The following NELFCD variants were observed in gnomAD, a reference collection of about 807,000 sequenced individuals.
NELFCD encodes the protein negative elongation factor C/D.
A neutral mutation model predicts 72.9 loss-of-function variants in NELFCD; 48 were observed. The observed-to-expected ratio is 0.66, with a 90% CI of 0.52 to 0.84. The LOEUF (loss-of-function observed/expected upper bound fraction) is 0.84, where lower values mean the gene tolerates loss of function less well. Among genes scored for constraint, NELFCD ranks in the 40% least tolerant of loss-of-function variants. The pLI is 0.00. For synonymous variants in NELFCD, 297 were observed against 280.6 expected (o/e 1.06, Z -0.59); for missense variants, 538 against 723.8 (o/e 0.74, Z 2.94).
intron 7 of NELFCD, 176 bp downstream of exon 7, chr20:58,990,164 A>G (rs1337036704): frequency 1.2e-5 from 9 of 735,650 alleles, no homozygotes; most frequent in Non-Finnish European, 8.6e-6. Flanking sequence ...TGGGAGGCCG[A>G]GGCGGATGGA....
rs113288541 is a variant in NELFCD, at chr20:58,991,076, G to C, written c.954+1G>C. 2 of 1,612,274 alleles carry C rather than the reference G, an allele frequency of 1.2e-6. No homozygotes were observed. Among genetic ancestry groups the C allele is most frequent in the East Asian group, 2.2e-5 (1 of 44,844 alleles). On this transcript the variant is annotated splice_donor_variant, in intron 8 of 14. Transcript: ENST00000652272. LOFTEE classifies it high-confidence loss of function. ...CATGGACCCTCCTCCGGTTGAACTT[G>C]TAAGTTGCTTCTCAAGAATCCCCAA...
rs573955721 is a variant in NELFCD at position 58,986,330 on chromosome 20, G to C, written c.176+122G>C. On this transcript the variant is annotated intron_variant, in intron 2 of 14. Coordinates refer to ENST00000652272, the MANE Select transcript of NELFCD (RefSeq NM_198976.4). The surrounding 1 kb of genome is among the most constrained non-coding windows in gnomAD (Gnocchi z 4.4). ...CGCGAACTGAACTAAAGGCTTCAAG[G>C]GGGGGTCCCCTCTGCCACTTTTTTT... 13 of 665,132 alleles carry C rather than the reference G, an allele frequency of 2.0e-5. No homozygotes were observed. The highest frequency in any genetic ancestry group is 3.7e-5 in the African/African-American group (2 of 54,452). 41.2% of individuals were successfully genotyped at this position (665,132 alleles called of 1,614,324 possible).
At position 58,982,140 on chromosome 20, in the gene NELFCD, ATTTTTTTTTTTTT is replaced by A. The variant is rs751696443; in HGVS notation, c.60+792_60+804del. Among the ~76,000 whole-genome samples, 312 of 68,422 alleles carry A rather than the reference ATTTTTTTTTTTTT, an allele frequency of 4.6e-3. 1 individual carries two copies. Among genetic ancestry groups the A allele is most frequent in the African/African-American group, 0.014 (265 of 19,158 alleles). 44.9% of individuals were successfully genotyped at this position (68,422 alleles called of 152,430 possible). On this transcript the variant is annotated intron_variant, in intron 1 of 14. Transcript: ENST00000652272. ...TCTGGACGGGAGCCTGGGAACTTGC[ATTTTTTTTTTTTT>A]TTTTTTTTTTTTTTTTTTTTGTGGT...
intron 1 of NELFCD, 56 bp downstream of exon 1, chr20:58,981,425 G>C (rs1338479548): frequency 1.1e-6 from 1 of 874,368 alleles, no homozygotes; most frequent in African/African-American, 1.8e-5. Flanking sequence ...CGCCGCCGGC[G>C]GGCCGGCCCC....
chr20:58,984,653 T>G (rs1398614339), intron 1 of NELFCD, among the ~76,000 whole-genome samples: 1 of 152,126 alleles, frequency 6.6e-6, no homozygotes, highest in Non-Finnish European at 1.5e-5. Flanking sequence ...GATGTCAGTT[T>G]TGGACCTAAA....
At position 58,990,036 on chromosome 20, in the gene NELFCD, C is replaced by T. The variant is rs752904067; in HGVS notation, c.788+48C>T. On this transcript the variant is annotated intron_variant, in intron 7 of 14. Transcript: ENST00000652272. ...AGCCCTTCCTTCCTAGTGCTCCCCA[C>T]AAAACCCTTCCCATGGCCCGTGTTC... 18 of 1,595,340 alleles carry T rather than the reference C, an allele frequency of 1.1e-5. No homozygotes were observed. In the East Asian group the frequency reaches 3.6e-4, roughly 32 times the overall value.
At position 58,987,393 on chromosome 20, in the gene NELFCD, A is replaced by G; in HGVS notation, c.287-315A>G. On this transcript the variant is annotated intron_variant, in intron 3 of 14. Coordinates refer to ENST00000652272, the MANE Select transcript of NELFCD (RefSeq NM_198976.4). ...TTTGGCTGCCATCTGCTCCCTCCTC[A>G]CTGGGCAGGGATGTTTTTCCATCCC... is the stretch of plus-strand genomic sequence containing the variant. The G allele has an allele frequency of 8.6e-6, 3 of 350,360 alleles. No homozygotes were observed. In the South Asian group the frequency reaches 1.2e-4, roughly 14 times the overall value. The allele number at this position is 350,360 out of a possible 1,614,324, so 21.7% of individuals were successfully genotyped here. A position where few individuals can be genotyped will look rare whatever the true frequency, so the allele number is the denominator to read the frequency against.
In NELFCD at chr20:58,986,468, A is replaced by T; in HGVS notation, c.176+260A>T. ...GCAGTTCTCCCACCTCAGCCTTGCA[A>T]GGTGGCCACCACAGGCGTCTGCCAT... On this transcript the variant is annotated intron_variant, in intron 2 of 14. Transcript: ENST00000652272. This position sits in a 1 kb window ranked among gnomAD's most constrained non-coding sequence, Gnocchi z 4.4. The T allele has an allele frequency of 1.8e-6, 1 of 556,992 alleles. No homozygotes were observed. Among genetic ancestry groups the T allele is most frequent in the Non-Finnish European group, 3.1e-6 (1 of 318,744 alleles). The allele number at this position is 556,992 out of a possible 1,614,324, so 34.5% of individuals were successfully genotyped here.
intron 14 of NELFCD, 22 bp from the exon 15 acceptor site, chr20:58,994,620 G>A: frequency 6.4e-7 from 1 of 1,560,752 alleles, no homozygotes; most frequent in Non-Finnish European, 8.8e-7. Flanking sequence ...TTCTAACACA[G>A]TCACTGTTTT....
In NELFCD at chr20:58,986,201, C is replaced by G; in HGVS notation, c.169C>G (p.Leu57Val). Reference protein sequence around the residue: ...YIMEPSIFNTLKRYFQAGGSP... With the variant: ...YIMEPSIFNTVKRYFQAGGSP... The stretch of plus-strand genomic sequence containing the variant: ...CATGGAACCCTCCATCTTCAACACT[C>G]TGAAGAGGTATGTGAGAAAGGTGTC... The change falls in exon 2 of 15, where the codon CTG (leucine) becomes GTG (valine). Residue 57 changes from leucine to valine, a missense_variant. By Grantham distance (32) the Leu-to-Val change is conservative. Transcript: ENST00000652272. This position sits in a 1 kb window ranked among gnomAD's most constrained non-coding sequence, Gnocchi z 4.4. 2 of 1,595,726 alleles carry G rather than the reference C, an allele frequency of 1.3e-6. No individual in the cohort carries two copies. Among genetic ancestry groups the G allele is most frequent in the Non-Finnish European group, 1.7e-6 (2 of 1,163,220 alleles).
chr20:58,986,790 C>A lies in NELFCD; in HGVS notation c.213C>A (p.Ile71=). The change falls in exon 3 of 15, where the codon ATC becomes ATA. Residue 71 remains isoleucine, a synonymous_variant. Transcript: ENST00000652272. The surrounding 1 kb of genome is among the most constrained non-coding windows in gnomAD (Gnocchi z 4.4). ...FQAGGSPENV[I]QLLSENYTAV... ...CAGGAGGGTCTCCAGAGAATGTTAT[C>A]CAGCTCTTATCTGAAAACTACACCG... 6.2e-7 allele frequency: 1 copy of A among 1,614,012 alleles called. No homozygotes were observed.
In NELFCD at chr20:58,986,577, A is replaced by G. The variant is rs1293985661; in HGVS notation, c.177-177A>G. 1.2e-5 allele frequency: 8 copies of G among 642,696 alleles called. No homozygotes were observed. The highest frequency in any genetic ancestry group is 2.2e-5 in the Non-Finnish European group (8 of 363,046). 39.8% of individuals were successfully genotyped at this position (642,696 alleles called of 1,614,324 possible). ...TGGCTGCTCTTGAACTCCTAGGCTCAAGTGATTCTCCCACCTCTGCCTCCC... is the reference window on the plus strand; with the variant it reads ...TGGCTGCTCTTGAACTCCTAGGCTCGAGTGATTCTCCCACCTCTGCCTCCC... On this transcript the variant is annotated intron_variant, in intron 2 of 14. Coordinates refer to ENST00000652272, the MANE Select transcript of NELFCD (RefSeq NM_198976.4). This position sits in a 1 kb window ranked among gnomAD's most constrained non-coding sequence, Gnocchi z 4.4.
At position 58,987,920 on chromosome 20, in the gene NELFCD, G is replaced by T. The variant is rs2091784612; in HGVS notation, c.396+103G>T. 5 of 824,674 alleles carry T rather than the reference G, an allele frequency of 6.1e-6. No individual in the cohort carries two copies. The South Asian group carries it at 6.1e-5, about 10-fold the overall frequency. 51.1% of individuals were successfully genotyped at this position (824,674 alleles called of 1,614,324 possible). Reference sequence around the variant, plus strand: ...ATATCATGTAAGTAATGGCAGAGTTGAGGACTAAAATCAGAGTGTGAGACA... The same window carrying T: ...ATATCATGTAAGTAATGGCAGAGTTTAGGACTAAAATCAGAGTGTGAGACA... On this transcript the variant is annotated intron_variant, in intron 4 of 14. Coordinates refer to ENST00000652272, the MANE Select transcript of NELFCD (RefSeq NM_198976.4).
intron 7 of NELFCD, 61 bp downstream of exon 7, chr20:58,990,049 A>G: frequency 6.3e-7 from 1 of 1,583,950 alleles, no homozygotes; most frequent in Non-Finnish European, 8.6e-7. Context: ...AACCCTTCCC[A>G]TGGCCCGTGT....
chr20:58,994,742 A>T lies in NELFCD; in HGVS notation c.*66A>T. On this transcript the variant is annotated 3_prime_UTR_variant, in exon 15 of 15. Transcript: ENST00000652272. ...CCCGTTGTGGAAAAACCCTTTCAAG[A>T]AGCTGTTTTAAGAGGCTCGGGCAGC... The T allele has an allele frequency of 1.5e-6, 2 of 1,378,796 alleles. No homozygotes were observed. Among genetic ancestry groups the T allele is most frequent in the Middle Eastern group, 3.6e-4 (2 of 5,572 alleles). The allele number at this position is 1,378,796 out of a possible 1,614,324, so 85.4% of individuals were successfully genotyped here.
chr20:58,987,199 G>T, intron 3 of NELFCD: 1 of 289,250 alleles, frequency 3.5e-6, no homozygotes, highest in South Asian at 5.2e-5. Context: ...AGCAGTAAAT[G>T]ACGGATAATT....
In NELFCD at chr20:58,991,462, G is replaced by A. The variant is rs1239958052; in HGVS notation, c.1089+16G>A. The A allele has an allele frequency of 2.5e-6, 4 of 1,613,416 alleles. No homozygotes were observed. Among genetic ancestry groups the A allele is most frequent in the Non-Finnish European group, 2.5e-6 (3 of 1,179,812 alleles). ...CTGGAAGAAGGTACCATCGGTTCTG[G>A]GAATTTGTGGATTTTTTAGGAGACA... On this transcript the variant is annotated intron_variant, in intron 9 of 14. Coordinates refer to ENST00000652272, the MANE Select transcript of NELFCD (RefSeq NM_198976.4).
chr20:58,988,874 G>C, intron 4 of NELFCD, 40 bp from the exon 5 acceptor site: 1 of 1,419,762 alleles, frequency 7.0e-7, no homozygotes, highest in Non-Finnish European at 1.0e-6. Flanking sequence ...AGTAAAAGTG[G>C]GGCCTCCTCC....
Position 58,994,973 on chromosome 20 carries a change from C to G in NELFCD, c.*297C>G. The G allele has an allele frequency of 3.0e-6, 1 of 333,242 alleles. No individual in the cohort carries two copies. Among genetic ancestry groups the G allele is most frequent in the Non-Finnish European group, 5.4e-6 (1 of 183,892 alleles). The allele number at this position is 333,242 out of a possible 1,614,324, so 20.6% of individuals were successfully genotyped here. A position where few individuals can be genotyped will look rare whatever the true frequency, so the allele number is the denominator to read the frequency against. ...CCCTCAGGACAGATCTGGCCGTCAG[C>G]CGCGGGCCGCTGGGAACTCCACTCG... On this transcript the variant is annotated 3_prime_UTR_variant, in exon 15 of 15. Transcript: ENST00000652272.
Sources: allele counts gnomAD v4.1 joint callset (sites outside exome capture counted in the v4.1 genomes callset), GRCh38; gene constraint gnomAD v4.1.1; non-coding constraint Gnocchi (gnomAD v3.1); transcripts MANE v1.5; gene names NCBI Gene and HGNC (gene_info 2026-07-23, HGNC 2026-07-21).